The following PACS2 variants were observed in gnomAD, a reference collection of about 807,000 sequenced individuals.
PACS2 encodes phosphofurin acidic cluster sorting protein 2, also known as PACS1-like protein.
A neutral mutation model predicts 113.0 loss-of-function variants in PACS2; 36 were observed. That is an observed-to-expected ratio of 0.32 (90% confidence interval 0.24 to 0.42). PACS2 has a LOEUF of 0.42. Ranked by LOEUF, PACS2 falls within the 10% of genes least tolerant of loss-of-function variation. PACS2 has a pLI of 1.00. For missense variants in PACS2, 1,015 were observed against 1,239.5 expected (o/e 0.82, Z 2.72); for synonymous variants, 589 against 536.1 (o/e 1.10, Z -1.36).
At chr14:105,307,656 GCCTTCTCA>G (rs1174015447) in intron 1 of PACS2, among the ~76,000 whole-genome samples, 1 of 152,204 alleles carries the variant, frequency 6.6e-6, no homozygotes, top group African/African-American at 2.4e-5. Flanking sequence ...AGCTTCTATG[GCCTTCTCA>G]CCTTCTCACC....
At chr14:105,389,690 C>T (rs1031775320) in intron 19 of PACS2, 7 of 522,478 alleles carry the variant, frequency 1.3e-5, no homozygotes, top group Non-Finnish European at 2.4e-5. Context: ...GGCCTGTCCT[C>T]CTGACCATGG....
rs782466397 is a variant in PACS2, at chr14:105,355,188, C to T, written c.423+11C>T. ...ATCAGCATGGCTGAGGTGAGTGCTC[C>T]GTCTGGCGTGGCCTGCGTCGGGCTG... is the stretch of plus-strand genomic sequence containing the variant. On this transcript the variant is annotated intron_variant, in intron 4 of 24. Coordinates refer to ENST00000447393, the MANE Select transcript of PACS2 (RefSeq NM_001100913.3). This position sits in a 1 kb window ranked among gnomAD's most constrained non-coding sequence, Gnocchi z 4.1. 54 of 1,611,616 alleles carry T rather than the reference C, an allele frequency of 3.4e-5. No homozygotes were observed. The highest frequency in any genetic ancestry group is 5.5e-5 in the South Asian group (5 of 90,936).
In PACS2 at chr14:105,381,118, C is replaced by T. The variant is rs1046472226; in HGVS notation, c.1268+19C>T. On this transcript the variant is annotated intron_variant, in intron 12 of 24. Transcript: ENST00000447393. ...CCACCAGGTGATGGGGGCTGCACGG[C>T]GGGGCGGGGCGGTGATGCACCTGTC... The T allele has an allele frequency of 2.3e-5, 36 of 1,583,282 alleles. No individual in the cohort carries two copies. The highest frequency in any genetic ancestry group is 3.4e-5 in the South Asian group (3 of 88,342).
At position 105,368,321 on chromosome 14, in the gene PACS2, T is replaced by G. The variant is rs1006356166; in HGVS notation, c.661-138T>G. ...CGACCCCAGGGGCCCGAGTTTATGC[T>G]CAGGTGGCTCTGAGAGTCTTGGGAC... On this transcript the variant is annotated intron_variant, in intron 6 of 24. Transcript: ENST00000447393. 2.3e-4 allele frequency: 191 copies of G among 826,616 alleles called. 1 individual carries two copies. Among genetic ancestry groups the G allele is most frequent in the Admixed American group, 3.7e-4 (17 of 46,416 alleles). The allele number at this position is 826,616 out of a possible 1,614,324, so 51.2% of individuals were successfully genotyped here. A position where few individuals can be genotyped will look rare whatever the true frequency, so the allele number is the denominator to read the frequency against.
chr14:105,382,029 G>A lies in PACS2; in HGVS notation c.1384G>A (p.Ala462Thr), dbSNP rs372204325. 3.5e-5 allele frequency: 55 copies of A among 1,549,332 alleles called. 1 individual carries two copies. The Middle Eastern group carries it at 1.0e-3, about 29-fold the overall frequency. ...CCTGGACAACGAGCGCTGCCCGGACGCCCGGAGCCAGCTACAGGTGCAGCT... is the reference window on the plus strand; with the variant it reads ...CCTGGACAACGAGCGCTGCCCGGACACCCGGAGCCAGCTACAGGTGCAGCT... ...NSLDNERCPD[A>T]RSQLQVQLQI... is the part of the protein sequence containing the mutation. Residue 462 changes from alanine to threonine, a missense_variant, in exon 13 of 25, where the codon GCC becomes ACC. By Grantham distance (58) the Ala-to-Thr change is moderately conservative. Around this residue, in one of 3 missense-constraint regions of PACS2, gnomAD observed 859 missense variants for 1,056.8 expected, o/e 0.81. Transcript: ENST00000447393.
At chr14:105,335,340 G>A (rs1430476336) in intron 1 of PACS2, among the ~76,000 whole-genome samples, 4 of 150,868 alleles carry the variant, frequency 2.7e-5, no homozygotes, top group South Asian at 2.1e-4. Context: ...CGCTGTGGCC[G>A]GCGCCTGGCG....
chr14:105,378,939 T>C (rs2080881390), intron 9 of PACS2, among the ~76,000 whole-genome samples: 1 of 148,352 alleles, frequency 6.7e-6, no homozygotes, highest in Non-Finnish European at 1.5e-5. Flanking sequence ...GGCCTGGATC[T>C]GCCTGAGTGG....
chr14:105,383,792 C>G, intron 16 of PACS2: 1 of 437,886 alleles, frequency 2.3e-6, no homozygotes, highest in South Asian at 3.1e-5. Flanking sequence ...AGCCATCGCC[C>G]TCTGAAGGGG....
intron 15 of PACS2, 176 bp downstream of exon 15, chr14:105,383,089 G>A (rs2081049574): frequency 3.2e-6 from 2 of 625,604 alleles, no homozygotes; most frequent in Non-Finnish European, 2.9e-6. Context: ...TTGTGGGCGG[G>A]AGCAGCAGCC....
Position 105,333,618 on chromosome 14 carries a change from G to C in PACS2, c.120-14875G>C, listed in dbSNP as rs770015845. Among the ~76,000 whole-genome samples, 31 of 152,372 alleles carry C rather than the reference G, an allele frequency of 2.0e-4. 1 individual carries two copies. The Middle Eastern group carries it at 0.02, about 100-fold the overall frequency. On this transcript the variant is annotated intron_variant, in intron 1 of 24. Transcript: ENST00000447393. ...TGGCCACTTGGGAAAGCTGAGCACT[G>C]AAAGTGCCAAAACCTGGGACACCTT...
intron 1 of PACS2, among the ~76,000 whole-genome samples, chr14:105,319,169 A>T (rs2058788485): frequency 6.6e-6 from 1 of 150,696 alleles, no homozygotes; most frequent in Non-Finnish European, 1.5e-5. Context: ...GATGGTCTCG[A>T]TCTCTTGACC....
intron 1 of PACS2, among the ~76,000 whole-genome samples, chr14:105,306,811 G>A (rs2058201806): frequency 6.6e-6 from 1 of 152,034 alleles, no homozygotes; most frequent in Non-Finnish European, 1.5e-5. Context: ...CCATCATGTT[G>A]GCCAGGCTCG....
rs587673858 is a variant in PACS2, at chr14:105,347,053, C to G, written c.120-1440C>G. On this transcript the variant is annotated intron_variant, in intron 1 of 24. Coordinates refer to ENST00000447393, the MANE Select transcript of PACS2 (RefSeq NM_001100913.3). ...CCCCACTGCCTGTTGTCCGCTGTCC[C>G]CGTTGCACCTCCCACCTGCTGCCCT... Among the ~76,000 whole-genome samples the G allele has an allele frequency of 1.4e-4, 19 of 137,924 alleles. No homozygotes were observed. In the South Asian group the frequency reaches 1.6e-3, roughly 11 times the overall value. The allele number at this position is 137,924 out of a possible 152,430, so 90.5% of individuals were successfully genotyped here. A position where few individuals can be genotyped will look rare whatever the true frequency, so the allele number is the denominator to read the frequency against.
chr14:105,330,691 C>T lies in PACS2; in HGVS notation c.119+15654C>T, dbSNP rs185440765. Reference sequence around the variant, plus strand: ...AGAATCCTGGGGCCCCACCCAACACCCACGCATTTCCTGTCTTTTCTCAGG... The same window carrying T: ...AGAATCCTGGGGCCCCACCCAACACTCACGCATTTCCTGTCTTTTCTCAGG... On this transcript the variant is annotated intron_variant, in intron 1 of 24. Coordinates refer to ENST00000447393, the MANE Select transcript of PACS2 (RefSeq NM_001100913.3). This position sits in a 1 kb window ranked among gnomAD's most constrained non-coding sequence, Gnocchi z 6.9. 6.6e-6 allele frequency among the ~76,000 whole-genome samples: 1 copy of T among 152,370 alleles called. No individual in the cohort carries two copies. The highest frequency in any genetic ancestry group is 6.5e-5 in the Admixed American group (1 of 15,310).
intron 8 of PACS2, 89 bp downstream of exon 8, chr14:105,369,989 C>G: frequency 8.8e-7 from 1 of 1,139,940 alleles, no homozygotes. Flanking sequence ...CTCCGGGCCA[C>G]CTCTGGTTCT....
intron 4 of PACS2, among the ~76,000 whole-genome samples, chr14:105,362,151 G>C (rs587714315): frequency 2.0e-5 from 3 of 151,900 alleles, no homozygotes; most frequent in Non-Finnish European, 2.9e-5. Flanking sequence ...AGGTGTGGTG[G>C]CTCACGCCTG....
At chr14:105,320,105 G>A (rs2058832723) in intron 1 of PACS2, among the ~76,000 whole-genome samples, 1 of 151,974 alleles carries the variant, frequency 6.6e-6, no homozygotes, top group Admixed American at 6.6e-5. Flanking sequence ...AGCCTCCCAA[G>A]TAGCTGGGAC....
intron 1 of PACS2, among the ~76,000 whole-genome samples, chr14:105,345,780 C>T (rs1555402482): frequency 6.6e-6 from 1 of 152,168 alleles, no homozygotes; most frequent in African/African-American, 2.4e-5. Flanking sequence ...TTCATATCAC[C>T]TCTCTTAGTC....
rs782398100 is a variant in PACS2, at chr14:105,372,410, C to G, written c.801+2510C>G. The G allele has an allele frequency of 7.2e-5, 11 of 152,330 alleles. 1 individual carries two copies. Among genetic ancestry groups the G allele is most frequent in the African/African-American group, 2.4e-4 (10 of 41,580 alleles). The allele number at this position is 152,330 out of a possible 1,614,324, so 9.4% of individuals were successfully genotyped here. Reference sequence around the variant, plus strand: ...AATGCACACCATGTGCAGAATTCAGCTTGACTGGATCATATTCCTAAATGT... The same window carrying G: ...AATGCACACCATGTGCAGAATTCAGGTTGACTGGATCATATTCCTAAATGT... On this transcript the variant is annotated intron_variant, in intron 8 of 24. Coordinates refer to ENST00000447393, the MANE Select transcript of PACS2 (RefSeq NM_001100913.3).
Sources: allele counts gnomAD v4.1 joint callset (sites outside exome capture counted in the v4.1 genomes callset), GRCh38; gene constraint gnomAD v4.1.1; regional missense constraint gnomAD v4.1.1; non-coding constraint Gnocchi (gnomAD v3.1); transcripts MANE v1.5; gene names NCBI Gene and HGNC (gene_info 2026-07-23, HGNC 2026-07-21).